Variants in CTSF observed in about 807,000 individuals in gnomAD.
The protein encoded by CTSF is cathepsin F.
In CTSF, 65 loss-of-function variants were observed where a neutral mutation model predicts 63.5. The observed-to-expected ratio is 1.02, with a 90% CI of 0.84 to 1.26. The LOEUF (loss-of-function observed/expected upper bound fraction) is 1.26, where lower values mean the gene tolerates loss of function less well. Among genes scored for constraint, CTSF ranks in the 50% most tolerant of loss-of-function variants. The pLI is 0.00. For synonymous variants in CTSF, 256 were observed against 258.1 expected (o/e 0.99, Z 0.08); for missense variants, 641 against 631.0 (o/e 1.02, Z -0.17).
At position 66,563,587 on chromosome 11, in the gene CTSF, A is replaced by T. The variant is rs1280612447; in HGVS notation, c.*346T>A. ...AAATTTATAGTATCAAACAGAGGAA[A>T]GCGGGGGCAGAACAGAGCTGGGCTT... is the stretch of plus-strand genomic sequence containing the variant. On this transcript the variant is annotated 3_prime_UTR_variant, in exon 13 of 13. Transcript: ENST00000310325. The T allele has an allele frequency of 4.1e-6, 2 of 492,560 alleles. No homozygotes were observed. Among genetic ancestry groups the T allele is most frequent in the Admixed American group, 6.7e-5 (2 of 30,046 alleles). The allele number at this position is 492,560 out of a possible 1,614,324, so 30.5% of individuals were successfully genotyped here. A position where few individuals can be genotyped will look rare whatever the true frequency, so the allele number is the denominator to read the frequency against.
At position 66,566,134 on chromosome 11, in the gene CTSF, A is replaced by G. The variant is rs1202425789; in HGVS notation, c.755T>C (p.Leu252Pro). Residue 252 changes from leucine to proline, a missense_variant, in exon 6 of 13, where the codon CTC becomes CCC. Physicochemically the swap from Leu to Pro is moderately conservative, Grantham distance 98 (BLOSUM62 -3). Transcript: ENST00000310325. ...CTTGTTGCCAGGCTCTTTCCTCAGG[A>G]GAGTATTCAGGTAGATAGTGCGGAA... ...EEFRTIYLNTLLRKEPGNKMK... is the reference protein window; with the variant it reads ...EEFRTIYLNTPLRKEPGNKMK... The G allele has an allele frequency of 1.2e-6, 2 of 1,614,032 alleles. No individual in the cohort carries two copies. Among genetic ancestry groups the G allele is most frequent in the East Asian group, 4.5e-5 (2 of 44,874 alleles).
chr11:66,566,669 C>T (rs563648418), intron 4 of CTSF, among the ~76,000 whole-genome samples: 1 of 151,858 alleles, frequency 6.6e-6, no homozygotes, highest in Non-Finnish European at 1.5e-5. Flanking sequence ...CTCTCCAGCA[C>T]AAAAAATCCA....
chr11:66,563,758 A>G lies in CTSF; in HGVS notation c.*175T>C, dbSNP rs1857859921. The G allele has an allele frequency of 1.4e-6, 1 of 713,384 alleles. No homozygotes were observed. The highest frequency in any genetic ancestry group is 2.8e-5 in the Admixed American group (1 of 35,816). The allele number at this position is 713,384 out of a possible 1,614,324, so 44.2% of individuals were successfully genotyped here. A position where few individuals can be genotyped will look rare whatever the true frequency, so the allele number is the denominator to read the frequency against. ...TGCAGGTGCAGAACTTCAGGGTGGG[A>G]ATGGGGTGCAGGGAAGCAGGGGCTG... is the stretch of plus-strand genomic sequence containing the variant. On this transcript the variant is annotated 3_prime_UTR_variant, in exon 13 of 13. Transcript: ENST00000310325.
At chr11:66,568,221 G>A in intron 1 of CTSF, 53 bp downstream of exon 1, 5 of 1,523,668 alleles carry the variant, frequency 3.3e-6, no homozygotes, top group Non-Finnish European at 4.4e-6. Context: ...TTAGGTCAAA[G>A]CTCCTATCCC....
intron 8 of CTSF, 41 bp downstream of exon 8, chr11:66,565,630 A>T (rs1172824872): frequency 6.2e-7 from 1 of 1,610,434 alleles, no homozygotes; most frequent in East Asian, 2.2e-5. Context: ...GTACAGGGAG[A>T]AGTGGCTCCG....
chr11:66,567,942 C>G, intron 2 of CTSF, 42 bp downstream of exon 2: 1 of 1,550,874 alleles, frequency 6.4e-7, no homozygotes, highest in Non-Finnish European at 8.7e-7. Flanking sequence ...TGCTGCTTTA[C>G]TCGGCCTCGG....
chr11:66,564,422 C>T (rs1857879931), intron 11 of CTSF, 136 bp downstream of exon 11: 2 of 864,392 alleles, frequency 2.3e-6, no homozygotes, highest in Non-Finnish European at 3.5e-6. Context: ...TGATGCCCAG[C>T]TGGTCATGGC....
Position 66,567,495 on chromosome 11 carries a change from G to A in CTSF, c.480C>T (p.Asn160=), listed in dbSNP as rs748390300. 2 of 1,614,046 alleles carry A rather than the reference G, an allele frequency of 1.2e-6. No individual in the cohort carries two copies. The highest frequency in any genetic ancestry group is 4.5e-5 in the East Asian group (2 of 44,892). ...GGGAAATGACTGAGCTGAAAGTCTC[G>A]TTTCTGTTGTCTGGATGGTTTTGGG... The part of the protein sequence containing the change: ...SLSQNHPDNR[N]ETFSSVISLL... Residue 160 remains asparagine (N), a synonymous_variant, in exon 3 of 13, where the codon AAC becomes AAT. Coordinates refer to ENST00000310325, the MANE Select transcript of CTSF (RefSeq NM_003793.4).
At chr11:66,567,725 C>T (rs1857965771) in intron 2 of CTSF, 63 bp from the exon 3 acceptor site, 1 of 1,561,558 alleles carries the variant, frequency 6.4e-7, no homozygotes, top group South Asian at 1.2e-5. Context: ...CAAGATCTGG[C>T]CAAGATGGAG....
intron 8 of CTSF, 110 bp from the exon 9 acceptor site, chr11:66,565,116 G>A: frequency 6.8e-7 from 1 of 1,475,596 alleles, no homozygotes; most frequent in Non-Finnish European, 9.0e-7. Flanking sequence ...TCCACCCCAG[G>A]CCACAGGCCA....
In CTSF at chr11:66,567,729, G is replaced by C. The variant is rs1410331779; in HGVS notation, c.313-67C>G. ...GATCTGGGGAGCAAGATCTGGCCAAGATGGAGCTGGAGGCTCCTCAGATGA... is the reference window on the plus strand; with the variant it reads ...GATCTGGGGAGCAAGATCTGGCCAACATGGAGCTGGAGGCTCCTCAGATGA... On this transcript the variant is annotated intron_variant, in intron 2 of 12. Coordinates refer to ENST00000310325, the MANE Select transcript of CTSF (RefSeq NM_003793.4). The C allele has an allele frequency of 4.5e-6, 7 of 1,555,720 alleles. No homozygotes were observed. In the Admixed American group the frequency reaches 5.8e-5, roughly 13 times the overall value.
Position 66,565,855 on chromosome 11 carries a change from T to A in CTSF, c.940A>T (p.Thr314Ser). The A allele has an allele frequency of 6.2e-7, 1 of 1,613,856 alleles. No homozygotes were observed. Among genetic ancestry groups the A allele is most frequent in the African/African-American group, 1.3e-5 (1 of 75,004 alleles). The stretch of plus-strand genomic sequence containing the variant: ...CCCTGTTCAGAGAGGGAGAGCAGGG[T>A]CCCCTGGTTGAGAAACCACTGGCCC... Reference protein sequence around the residue: ...VEGQWFLNQGTLLSLSEQELL... With the variant: ...VEGQWFLNQGSLLSLSEQELL... Residue 314 changes from threonine to serine, a missense_variant, in exon 7 of 13, where the codon ACC (threonine) becomes TCC (serine). Coordinates refer to ENST00000310325, the MANE Select transcript of CTSF (RefSeq NM_003793.4).
rs140647918 is a variant in CTSF at position 66,563,486 on chromosome 11, T to A, written c.*447A>T. 2.2e-6 allele frequency: 1 copy of A among 454,842 alleles called. No individual in the cohort carries two copies. Among genetic ancestry groups the A allele is most frequent in the Non-Finnish European group, 3.9e-6 (1 of 256,590 alleles). The allele number at this position is 454,842 out of a possible 1,614,324, so 28.2% of individuals were successfully genotyped here. Reference sequence around the variant, plus strand: ...CACTCGGGACAAGGACACCTCTTTATTGCTGTTAGAAAAGGGTGGTTACAA... The same window carrying A: ...CACTCGGGACAAGGACACCTCTTTAATGCTGTTAGAAAAGGGTGGTTACAA... On this transcript the variant is annotated 3_prime_UTR_variant, in exon 13 of 13. Transcript: ENST00000310325.
At chr11:66,564,362 T>G (rs1000792424) in intron 11 of CTSF, 196 bp downstream of exon 11, 76 of 764,258 alleles carry the variant, frequency 9.9e-5, no homozygotes, top group Non-Finnish European at 1.5e-4. Flanking sequence ...TATTAGGCCA[T>G]CAATATTTAC....
rs758444193 is a variant in CTSF at position 66,567,376 on chromosome 11, G to A, written c.532-55C>T. ...CCAGAGAAACCCACTCCAGAGGGAAGGGAGAAGGGTGATGAGGCAGCGGCT... is the reference window on the plus strand; with the variant it reads ...CCAGAGAAACCCACTCCAGAGGGAAAGGAGAAGGGTGATGAGGCAGCGGCT... On this transcript the variant is annotated intron_variant, in intron 3 of 12. Transcript: ENST00000310325. The A allele has an allele frequency of 3.2e-4, 510 of 1,613,054 alleles. 2 individuals are homozygous for A. Among genetic ancestry groups the A allele is most frequent in the Middle Eastern group, 6.6e-4 (4 of 6,080 alleles).
At chr11:66,567,170 C>A in intron 4 of CTSF, 76 bp downstream of exon 4, 1 of 1,460,152 alleles carries the variant, frequency 6.8e-7, no homozygotes, top group East Asian at 2.3e-5. Context: ...CTTTCTCCTC[C>A]CACACACCAA....
At position 66,567,345 on chromosome 11, in the gene CTSF, G is replaced by C. The variant is rs945569732; in HGVS notation, c.532-24C>G. ...TCCTGGATAGGCAGACCAGTCTTTA[G>C]GCTGACCAGAGAAACCCACTCCAGA... is the stretch of plus-strand genomic sequence containing the variant. On this transcript the variant is annotated intron_variant, in intron 3 of 12. Transcript: ENST00000310325. 8.7e-6 allele frequency: 14 copies of C among 1,613,990 alleles called. No individual in the cohort carries two copies. In the Admixed American group the frequency reaches 1.7e-4, roughly 19 times the overall value.
At chr11:66,565,992 A>G (rs1296541611) in intron 6 of CTSF, 30 bp downstream of exon 6, 1 of 1,613,912 alleles carries the variant, frequency 6.2e-7, no homozygotes, top group Non-Finnish European at 8.5e-7. Context: ...TGCAGTGCCC[A>G]TGTCCCACCC....
Position 66,568,586 on chromosome 11 carries a change from G to A in CTSF, c.-100C>T, listed in dbSNP as rs1451525132. On this transcript the variant is annotated 5_prime_UTR_variant, in exon 1 of 13. Coordinates refer to ENST00000310325, the MANE Select transcript of CTSF (RefSeq NM_003793.4). The stretch of plus-strand genomic sequence containing the variant: ...GGGGCCTGAGTCCTCCCTCCAGCGG[G>A]GCGACGGCACGCCGACCAATGGGCG... The A allele has an allele frequency of 1.5e-6, 2 of 1,347,582 alleles. No homozygotes were observed. Among genetic ancestry groups the A allele is most frequent in the Middle Eastern group, 2.7e-4 (1 of 3,678 alleles). 83.5% of individuals were successfully genotyped at this position (1,347,582 alleles called of 1,614,324 possible).
Sources: allele counts gnomAD v4.1 joint callset (sites outside exome capture counted in the v4.1 genomes callset), GRCh38; gene constraint gnomAD v4.1.1; transcripts MANE v1.5; gene names NCBI Gene and HGNC (gene_info 2026-07-23, HGNC 2026-07-21).